Variants in ECE1 observed in about 807,000 individuals in gnomAD.
The protein encoded by ECE1 is endothelin-converting enzyme 1.
ECE1 carries 35 observed loss-of-function variants against 98.6 expected under a neutral mutation model. The ratio of observed to expected loss-of-function variants is 0.35; its 90% CI spans 0.27 to 0.47. The LOEUF (loss-of-function observed/expected upper bound fraction) is 0.47, where lower values mean the gene tolerates loss of function less well. ECE1 is among the 20% of genes least tolerant of loss of function. ECE1 has a pLI of 1.00. For synonymous variants in ECE1, 394 were observed against 407.1 expected, an observed-to-expected ratio of 0.97 and a Z score of 0.39; for missense variants, 814 against 1,025.3, an observed-to-expected ratio of 0.79 and a Z score of 2.81.
intron 10 of ECE1, among the ~76,000 whole-genome samples, chr1:21,239,353 C>A (rs764801840): frequency 1.3e-5 from 2 of 152,224 alleles, no homozygotes; most frequent in Non-Finnish European, 2.9e-5. Context: ...GCCCTGCTCA[C>A]ATAAATCCCT....
At chr1:21,240,148 G>A (rs2098194206) in intron 10 of ECE1, among the ~76,000 whole-genome samples, 1 of 152,058 alleles carries the variant, frequency 6.6e-6, no homozygotes, top group African/African-American at 2.4e-5. Flanking sequence ...TCCAGCCTGG[G>A]TGACAGAGCG....
intron 2 of ECE1, among the ~76,000 whole-genome samples, 168 bp downstream of exon 2, chr1:21,289,902 G>A (rs1483059047): frequency 6.6e-6 from 1 of 151,544 alleles, no homozygotes; most frequent in Non-Finnish European, 1.5e-5. Flanking sequence ...AGGCTTCTCA[G>A]CGCGGAGCTC....
intron 4 of ECE1, among the ~76,000 whole-genome samples, chr1:21,267,993 G>C (rs1558401065): frequency 2.0e-5 from 3 of 152,214 alleles, no homozygotes; most frequent in African/African-American, 7.2e-5. Context: ...TGGAATCTGT[G>C]TTGCTTGAAT....
At chr1:21,223,749 C>A (rs781120617) in intron 17 of ECE1, among the ~76,000 whole-genome samples, 1 of 152,154 alleles carries the variant, frequency 6.6e-6, no homozygotes. Context: ...CAGGCATGAG[C>A]CACCGTGCCC....
At chr1:21,278,840 G>C (rs1016935493) in intron 3 of ECE1, among the ~76,000 whole-genome samples, 6 of 152,216 alleles carry the variant, frequency 3.9e-5, no homozygotes, top group African/African-American at 1.2e-4. Flanking sequence ...CGAGGCACCA[G>C]CTATGGGACA....
intron 10 of ECE1, among the ~76,000 whole-genome samples, chr1:21,242,683 C>G (rs964405843): frequency 1.2e-4 from 18 of 152,238 alleles, no homozygotes; most frequent in Non-Finnish European, 2.9e-5. Context: ...TCTCTTGAGG[C>G]CTCCCTGTGC....
At chr1:21,326,989 C>T (rs562241315) in intron 1 of ECE1, among the ~76,000 whole-genome samples, 1 of 152,320 alleles carries the variant, frequency 6.6e-6, no homozygotes, top group African/African-American at 2.4e-5. Flanking sequence ...CTGTGGACTC[C>T]GTCAAAGCCT....
chr1:21,306,587 C>T (rs1249867330), intron 1 of ECE1, among the ~76,000 whole-genome samples: 2 of 152,146 alleles, frequency 1.3e-5, no homozygotes, highest in Non-Finnish European at 1.5e-5. Context: ...CTGCCCACCT[C>T]GGCCTCCCAA....
At chr1:21,282,168 T>C (rs973345654) in intron 2 of ECE1, among the ~76,000 whole-genome samples, 3 of 152,116 alleles carry the variant, frequency 2.0e-5, no homozygotes, top group African/African-American at 4.8e-5. Flanking sequence ...CATGCACCTG[T>C]AGTCCCAGCT....
At chr1:21,253,620 G>A (rs1252751828) in intron 8 of ECE1, among the ~76,000 whole-genome samples, 8 of 151,682 alleles carry the variant, frequency 5.3e-5, no homozygotes, top group South Asian at 2.1e-4. Context: ...AAAATTAGCC[G>A]GGCGTGGTGG....
chr1:21,334,170 A>T (rs1462198658), intron 1 of ECE1, among the ~76,000 whole-genome samples: 27 of 152,192 alleles, frequency 1.8e-4, no homozygotes, highest in Non-Finnish European at 2.6e-4. Context: ...TCCTGCCTCT[A>T]ACCTGCTGTA....
At chr1:21,261,345 A>G (rs1286957044) in intron 4 of ECE1, among the ~76,000 whole-genome samples, 1 of 152,060 alleles carries the variant, frequency 6.6e-6, no homozygotes, top group Non-Finnish European at 1.5e-5. Flanking sequence ...CTCCTTCACA[A>G]AGACTTTCCT....
At position 21,225,297 on chromosome 1, in the gene ECE1, G is replaced by A. The variant is rs777395282; in HGVS notation, c.1993C>T (p.Leu665=). ...NGEPVNGRHT[L]GENIADNGGL... is the part of the protein sequence containing the mutation. ...CCGTTGTCGGCGATGTTCTCCCCCAGGGTGTGCCGCCCGTTCACCGGCTCC... is the reference window on the plus strand; with the variant it reads ...CCGTTGTCGGCGATGTTCTCCCCCAAGGTGTGCCGCCCGTTCACCGGCTCC... Residue 665 remains leucine (L), a synonymous_variant, in exon 17 of 19, where the codon CTG becomes TTG. Transcript: ENST00000374893. This position sits in a 1 kb window ranked among gnomAD's most constrained non-coding sequence, Gnocchi z 5.3. 6.2e-7 allele frequency: 1 copy of A among 1,614,218 alleles called. No individual in the cohort carries two copies. Among genetic ancestry groups the A allele is most frequent in the Non-Finnish European group, 8.5e-7 (1 of 1,180,034 alleles).
Position 21,308,557 on chromosome 1 carries a change from A to G in ECE1, c.4-18401T>C, listed in dbSNP as rs553239140. On this transcript the variant is annotated intron_variant, in intron 1 of 18. Transcript: ENST00000415912. ...TTTGGGATCAGAGACAAGATCAAAG[A>G]GGCAGCCTTCATGAGGCTGTCCAGG... Among the ~76,000 whole-genome samples the G allele has an allele frequency of 7.9e-4, 120 of 152,278 alleles. No homozygotes were observed. The Middle Eastern group carries it at 0.01, about 13-fold the overall frequency.
At chr1:21,234,605 T>C (rs1310071053) in intron 13 of ECE1, among the ~76,000 whole-genome samples, 3 of 152,026 alleles carry the variant, frequency 2.0e-5, no homozygotes, top group Non-Finnish European at 4.4e-5. Flanking sequence ...CAGCCTCCCA[T>C]GTAGCTGGGA....
intron 7 of ECE1, among the ~76,000 whole-genome samples, chr1:21,257,301 C>A (rs1039495378): frequency 2.6e-5 from 4 of 152,158 alleles, no homozygotes; most frequent in Non-Finnish European, 5.9e-5. Context: ...TCTCTAGAAC[C>A]AGGACAAATG....
intron 1 of ECE1, among the ~76,000 whole-genome samples, chr1:21,320,041 T>C (rs902272595): frequency 6.6e-6 from 1 of 152,250 alleles, no homozygotes; most frequent in Non-Finnish European, 1.5e-5. Context: ...CAAAGGTGCA[T>C]GCATAAATCT....
At chr1:21,257,681 G>A in intron 6 of ECE1, 91 bp from the exon 7 acceptor site, 1 of 1,349,570 alleles carries the variant, frequency 7.4e-7, no homozygotes, top group East Asian at 2.3e-5. Context: ...CTGGCACATG[G>A]CAGCAGAGGC....
chr1:21,323,501 G>A (rs1639007029), intron 1 of ECE1, among the ~76,000 whole-genome samples: 1 of 152,158 alleles, frequency 6.6e-6, no homozygotes. Flanking sequence ...GTTCATGCCT[G>A]TAACCCCAGC....
Sources: gnomAD v4.1 joint callset for allele counts (sites outside exome capture counted in the v4.1 genomes callset) on GRCh38, gnomAD v4.1.1 for gene constraint, Gnocchi (gnomAD v3.1) non-coding constraint, MANE v1.5 for transcripts, NCBI Gene and HGNC (gene_info 2026-07-23, HGNC 2026-07-21) for gene names.